RAP1GAP2: variants seen among roughly 807,000 people sequenced by gnomAD.
The protein encoded by RAP1GAP2 is RAP1 GTPase activating protein 2.
Under a neutral mutation model 95.0 loss-of-function variants are expected in RAP1GAP2, and 27 were observed. The observed-to-expected ratio is 0.28, with a 90% CI of 0.21 to 0.39. The LOEUF (loss-of-function observed/expected upper bound fraction) is 0.39, where lower values mean the gene tolerates loss of function less well. Ranked by LOEUF, RAP1GAP2 falls within the 10% of genes least tolerant of loss-of-function variation. The pLI is 1.00. For synonymous variants in RAP1GAP2, 373 were observed against 380.9 expected (o/e 0.98, Z 0.24); for missense variants, 771 against 970.0 (o/e 0.79, Z 2.72).
At chr17:2,793,523 G>C (rs142926100), upstream of RAP1GAP2, among the ~76,000 whole-genome samples, 199 of 152,358 alleles carry the variant, frequency 1.3e-3, 1 homozygote, top group African/African-American at 4.4e-3. Flanking sequence ...GCTGTGGGCT[G>C]TACCTGGCTC....
At chr17:2,858,868 A>C (rs2072254717) in intron 2 of RAP1GAP2, among the ~76,000 whole-genome samples, 1 of 152,154 alleles carries the variant, frequency 6.6e-6, no homozygotes, top group East Asian at 1.9e-4. Context: ...GCTGAGATAG[A>C]GCCATTGCAC....
At chr17:2,803,071 GT>G (rs2069368929) in intron 2 of RAP1GAP2, among the ~76,000 whole-genome samples, 1 of 152,156 alleles carries the variant, frequency 6.6e-6, no homozygotes, top group African/African-American at 2.4e-5. Flanking sequence ...TTTTGGTGCT[GT>G]TTTGGGACAT....
intron 18 of RAP1GAP2, among the ~76,000 whole-genome samples, chr17:3,019,975 C>G (rs4239035): frequency 6.6e-6 from 1 of 152,242 alleles, no homozygotes; most frequent in African/African-American, 2.4e-5. Context: ...CCTGGCTCTG[C>G]GGCTCTCAGC....
At chr17:2,845,013 G>C (rs1195136747) in intron 2 of RAP1GAP2, among the ~76,000 whole-genome samples, 2 of 152,168 alleles carry the variant, frequency 1.3e-5, no homozygotes, top group Non-Finnish European at 2.9e-5. Context: ...TTGAATGAAA[G>C]AATCAGTGTC....
Position 2,942,989 on chromosome 17 carries a change from G to A in RAP1GAP2, c.166-14770G>A, listed in dbSNP as rs1190806857. Among the ~76,000 whole-genome samples the A allele has an allele frequency of 3.3e-5, 5 of 152,010 alleles. 1 individual carries two copies. Among genetic ancestry groups the A allele is most frequent in the South Asian group, 4.2e-4 (2 of 4,806 alleles). On this transcript the variant is annotated intron_variant, in intron 3 of 24. Transcript: ENST00000254695. ...TCACCATGTTGGTCAGGCTGGTCTT[G>A]AACTCCTGACCTCAAGTGATCTGCC...
chr17:2,899,078 G>C (rs1428178125), intron 2 of RAP1GAP2, among the ~76,000 whole-genome samples: 1 of 152,196 alleles, frequency 6.6e-6, no homozygotes, highest in Non-Finnish European at 1.5e-5. Flanking sequence ...GGCCTTTTGT[G>C]CCTGGCTCCT....
chr17:2,787,669 G>T (rs182521676), intron 1 of RAP1GAP2, among the ~76,000 whole-genome samples: 20 of 152,220 alleles, frequency 1.3e-4, no homozygotes, highest in Admixed American at 1.2e-3. Flanking sequence ...CCAGGTTCAC[G>T]CAATTCTCCT....
intron 2 of RAP1GAP2, among the ~76,000 whole-genome samples, chr17:2,864,160 C>G (rs557156456): frequency 6.6e-6 from 1 of 152,052 alleles, no homozygotes; most frequent in Admixed American, 6.5e-5. Context: ...CAGCAGCAGC[C>G]CTGCCACCTA....
At chr17:2,962,045 G>A (rs907821339) in intron 4 of RAP1GAP2, among the ~76,000 whole-genome samples, 8 of 152,062 alleles carry the variant, frequency 5.3e-5, no homozygotes, top group African/African-American at 1.4e-4. Context: ...TGGGATTACA[G>A]GCATGCGCCA....
chr17:2,930,155 G>T (rs1218504889), intron 3 of RAP1GAP2, among the ~76,000 whole-genome samples: 1 of 152,270 alleles, frequency 6.6e-6, no homozygotes, highest in African/African-American at 2.4e-5. Context: ...AACTGCCTCA[G>T]CCTCATCCAT....
At chr17:3,006,668 C>T (rs770461004) in intron 16 of RAP1GAP2, among the ~76,000 whole-genome samples, 14 of 148,596 alleles carry the variant, frequency 9.4e-5, no homozygotes, top group African/African-American at 1.7e-4. Flanking sequence ...CTCCTGACCT[C>T]GTGATCCGCC....
intron 2 of RAP1GAP2, among the ~76,000 whole-genome samples, chr17:2,882,511 C>T (rs947564532): frequency 5.4e-5 from 8 of 149,196 alleles, no homozygotes; most frequent in African/African-American, 1.7e-4. Flanking sequence ...AGGCTGGTCT[C>T]CATCTCTTGA....
Position 2,965,383 on chromosome 17 carries a change from G to A in RAP1GAP2, c.493-157G>A. The A allele has an allele frequency of 1.6e-6, 1 of 633,956 alleles. No homozygotes were observed. Among genetic ancestry groups the A allele is most frequent in the Non-Finnish European group, 2.8e-6 (1 of 363,150 alleles). The allele number at this position is 633,956 out of a possible 1,614,324, so 39.3% of individuals were successfully genotyped here. ...GTGCCTGGCGCCTCCTGAGGATCCG[G>A]CCGTCGGTACCTGTTAATGTCGTTG... On this transcript the variant is annotated intron_variant, in intron 7 of 24. Coordinates refer to ENST00000254695, the MANE Select transcript of RAP1GAP2 (RefSeq NM_015085.5). The surrounding 1 kb of genome is among the most constrained non-coding windows in gnomAD (Gnocchi z 4.7).
At chr17:3,006,919 C>T (rs1471928490) in intron 16 of RAP1GAP2, among the ~76,000 whole-genome samples, 4 of 152,110 alleles carry the variant, frequency 2.6e-5, no homozygotes, top group African/African-American at 9.7e-5. Flanking sequence ...TGGAGGTCAG[C>T]ACAGCTCAGA....
chr17:2,974,232 C>T (rs1715929474), intron 8 of RAP1GAP2, among the ~76,000 whole-genome samples: 1 of 151,402 alleles, frequency 6.6e-6, no homozygotes, highest in Non-Finnish European at 1.5e-5. Flanking sequence ...GCCTGTAGTC[C>T]CAGCTACTTG....
intron 1 of RAP1GAP2, among the ~76,000 whole-genome samples, chr17:2,762,725 A>C (rs1412276740): frequency 6.6e-6 from 1 of 150,584 alleles, no homozygotes; most frequent in African/African-American, 2.4e-5. Flanking sequence ...CAACATAGAA[A>C]TTTTGTGGGG....
In RAP1GAP2 at chr17:2,803,317, A is replaced by G. The variant is rs536848538; in HGVS notation, c.80+2767A>G. Among the ~76,000 whole-genome samples the G allele has an allele frequency of 5.3e-5, 8 of 152,300 alleles. No homozygotes were observed. The South Asian group carries it at 1.5e-3, about 28-fold the overall frequency. On this transcript the variant is annotated intron_variant, in intron 2 of 24. Transcript: ENST00000254695. ...AGTTTTATTGGTTAAGATTCCTTTG[A>G]TTACAAGAAACAAAAACCCAGTGTC...
chr17:2,861,106 T>C (rs1265468708), intron 2 of RAP1GAP2, among the ~76,000 whole-genome samples: 3 of 152,046 alleles, frequency 2.0e-5, no homozygotes, highest in Non-Finnish European at 4.4e-5. Context: ...CTGTTTACAG[T>C]GAGCTCATTG....
chr17:2,833,755 A>G (rs988620282), intron 2 of RAP1GAP2, among the ~76,000 whole-genome samples: 1 of 151,906 alleles, frequency 6.6e-6, no homozygotes, highest in East Asian at 1.9e-4. Flanking sequence ...CTGTCTACAC[A>G]TGAAAGTGTT....
Sources: gnomAD v4.1 joint callset for allele counts (sites outside exome capture counted in the v4.1 genomes callset) on GRCh38, gnomAD v4.1.1 for gene constraint, Gnocchi (gnomAD v3.1) non-coding constraint, MANE v1.5 for transcripts, NCBI Gene and HGNC (gene_info 2026-07-23, HGNC 2026-07-21) for gene names.